The following SLC44A5 variants were observed in gnomAD, a reference collection of about 807,000 sequenced individuals.
The protein encoded by SLC44A5 is solute carrier family 44 member 5, also known as choline transporter-like protein 5.
In SLC44A5, 57 loss-of-function variants were observed where a neutral mutation model predicts 101.8. The observed-to-expected ratio is 0.56, with a 90% CI of 0.45 to 0.70. The LOEUF is 0.70. Ranked by LOEUF, SLC44A5 falls within the 30% of genes least tolerant of loss-of-function variation. The pLI is 0.00. For missense variants in SLC44A5, 737 were observed against 853.1 expected (o/e 0.86, Z 1.70); for synonymous variants, 281 against 290.9 (o/e 0.97, Z 0.35).
intron 2 of SLC44A5, among the ~76,000 whole-genome samples, chr1:75,505,887 A>G (rs1669226352): frequency 6.6e-6 from 1 of 152,026 alleles, no homozygotes; most frequent in African/African-American, 2.4e-5. Flanking sequence ...TTTTATTGAA[A>G]TTACTTTTGA....
the SLC44A5 span, among the ~76,000 whole-genome samples, chr1:75,698,207 G>A: frequency 4.6e-5 from 7 of 152,214 alleles, no homozygotes; most frequent in African/African-American, 1.4e-4. Context: ...GCAGGGCACA[G>A]ACAAACAAAA....
At chr1:75,247,584 C>T (rs1649217909) in intron 7 of SLC44A5, among the ~76,000 whole-genome samples, 1 of 151,914 alleles carries the variant, frequency 6.6e-6, no homozygotes, top group African/African-American at 2.4e-5. Flanking sequence ...GACCAAGCTT[C>T]TTGTGGGAGG....
intron 6 of SLC44A5, among the ~76,000 whole-genome samples, chr1:75,270,715 T>C (rs990661878): frequency 3.3e-5 from 5 of 152,132 alleles, no homozygotes; most frequent in African/African-American, 1.2e-4. Flanking sequence ...TTCATTAAAT[T>C]GATGGGCCAT....
chr1:75,702,337 C>G, the SLC44A5 span, among the ~76,000 whole-genome samples: 11 of 152,048 alleles, frequency 7.2e-5, no homozygotes, highest in African/African-American at 2.7e-4. Flanking sequence ...CAGAACAGAG[C>G]CCTCAGAAAT....
intron 2 of SLC44A5, among the ~76,000 whole-genome samples, chr1:75,450,086 G>A (rs1665817356): frequency 6.6e-6 from 1 of 152,098 alleles, no homozygotes. Context: ...AAATCCACTT[G>A]AATCATGTAG....
chr1:75,642,921 C>T, the SLC44A5 span, among the ~76,000 whole-genome samples: 8 of 152,004 alleles, frequency 5.3e-5, no homozygotes, highest in South Asian at 2.1e-4. Flanking sequence ...TCTATCAAGG[C>T]GAATCACTGG....
intron 6 of SLC44A5, among the ~76,000 whole-genome samples, chr1:75,268,204 T>G (rs922228158): frequency 6.6e-6 from 1 of 152,124 alleles, no homozygotes; most frequent in Admixed American, 6.6e-5. Flanking sequence ...CACTCATGCC[T>G]CAGGACCTTT....
intron 2 of SLC44A5, among the ~76,000 whole-genome samples, chr1:75,463,551 G>A (rs1298446171): frequency 6.6e-6 from 1 of 151,788 alleles, no homozygotes; most frequent in African/African-American, 2.4e-5. Context: ...AAGAGTGCAT[G>A]ATATATTTAA....
intron 2 of SLC44A5, among the ~76,000 whole-genome samples, chr1:75,486,127 GACA>G (rs1186537113): frequency 6.6e-6 from 1 of 152,150 alleles, no homozygotes; most frequent in East Asian, 1.9e-4. Flanking sequence ...ACAACAATAT[GACA>G]ACATTTTCAA....
intron 1 of SLC44A5, among the ~76,000 whole-genome samples, chr1:75,545,824 CT>C (rs57147182): frequency 0.92 from 125,533 of 136,162 alleles, 57,683 homozygotes; most frequent in East Asian, 0.95. Flanking sequence ...TTTTTCTTTT[CT>C]TTTTTTTTTT....
rs535457329 is a variant in SLC44A5 at position 75,609,897 on chromosome 1, T to C, written c.-70+1143A>G. ...ACAAGAGTAAGCATTTATTATATCT[T>C]ATGGTTTCTGTGATTCAGGAATCCA... On this transcript the variant is annotated intron_variant, in intron 1 of 23. Coordinates refer to ENST00000370859, the MANE Select transcript of SLC44A5 (RefSeq NM_001130058.2). Among the ~76,000 whole-genome samples, 14 of 152,130 alleles carry C rather than the reference T, an allele frequency of 9.2e-5. No individual in the cohort carries two copies. In the South Asian group the frequency reaches 2.9e-3, roughly 32 times the overall value.
chr1:75,318,811 G>C (rs1353930517), intron 4 of SLC44A5, among the ~76,000 whole-genome samples: 6 of 152,144 alleles, frequency 3.9e-5, no homozygotes, highest in African/African-American at 4.8e-5. Context: ...TTTGGCAGCT[G>C]TCTTCTATGG....
intron 2 of SLC44A5, among the ~76,000 whole-genome samples, chr1:75,425,134 A>T (rs957559280): frequency 3.9e-5 from 6 of 152,210 alleles, no homozygotes; most frequent in African/African-American, 1.4e-4. Flanking sequence ...TAAACAGGAA[A>T]TTTAATGTAC....
chr1:75,300,238 G>C (rs1654343804), intron 5 of SLC44A5, among the ~76,000 whole-genome samples: 1 of 151,992 alleles, frequency 6.6e-6, no homozygotes, highest in Non-Finnish European at 1.5e-5. Context: ...AAAAAGAAAA[G>C]TTTATATATT....
intron 7 of SLC44A5, among the ~76,000 whole-genome samples, chr1:75,245,508 G>C (rs558670737): frequency 6.6e-6 from 1 of 152,222 alleles, no homozygotes. Context: ...AACTTTGAAA[G>C]ACAACTGAAC....
the SLC44A5 span, among the ~76,000 whole-genome samples, chr1:75,618,845 G>A: frequency 1.3e-5 from 2 of 152,066 alleles, no homozygotes; most frequent in Non-Finnish European, 2.9e-5. Context: ...TGAGATGGGT[G>A]GACCACCTGT....
chr1:75,408,370 C>T (rs1195483944), intron 2 of SLC44A5, among the ~76,000 whole-genome samples: 1 of 152,116 alleles, frequency 6.6e-6, no homozygotes, highest in Non-Finnish European at 1.5e-5. Flanking sequence ...TGGGTATATA[C>T]CCAAAGGATT....
intron 2 of SLC44A5, among the ~76,000 whole-genome samples, chr1:75,511,457 TA>T (rs755987730): frequency 6.6e-5 from 10 of 152,198 alleles, no homozygotes; most frequent in Middle Eastern, 3.2e-3. Flanking sequence ...ATGTGATTTT[TA>T]GAATCTGCTT....
intron 2 of SLC44A5, among the ~76,000 whole-genome samples, chr1:75,472,022 G>A (rs574563576): frequency 2.1e-4 from 31 of 147,304 alleles, no homozygotes; most frequent in African/African-American, 7.7e-4. Flanking sequence ...ACTAGATATT[G>A]TATTTTAGTA....
Sources: allele counts gnomAD v4.1 joint callset (sites outside exome capture counted in the v4.1 genomes callset), GRCh38; gene constraint gnomAD v4.1.1; transcripts MANE v1.5; gene names NCBI Gene and HGNC (gene_info 2026-07-23, HGNC 2026-07-21).